DCC: variants seen among roughly 807,000 people sequenced by gnomAD.
The protein encoded by DCC is DCC netrin 1 receptor, also known as netrin receptor DCC.
In DCC, 58 loss-of-function variants were observed where a neutral mutation model predicts 172.5. That is an observed-to-expected ratio of 0.34 (90% CI 0.27 to 0.42). DCC has a LOEUF of 0.42. Ranked by LOEUF, DCC falls within the 10% of genes least tolerant of loss-of-function variation. The pLI, the probability that DCC is intolerant of heterozygous loss-of-function variation, is 1.00. For synonymous variants in DCC, 709 were observed against 644.5 expected (o/e 1.10, Z -1.52); for missense variants, 1,740 against 1,791.0 (o/e 0.97, Z 0.51).
chr18:52,345,711 G>A (rs1983848447), intron 1 of DCC, among the ~76,000 whole-genome samples: 1 of 152,198 alleles, frequency 6.6e-6, no homozygotes, highest in African/African-American at 2.4e-5. Context: ...TGTTTAATAT[G>A]CTGTGTTCCA....
At chr18:53,107,263 A>C (rs2043262352) in intron 7 of DCC, among the ~76,000 whole-genome samples, 1 of 151,828 alleles carries the variant, frequency 6.6e-6, no homozygotes, top group African/African-American at 2.4e-5. Context: ...GAACAGAAGG[A>C]AACAGTGAGA....
intron 27 of DCC, among the ~76,000 whole-genome samples, chr18:53,516,078 G>C (rs1248437600): frequency 0.048 from 6,560 of 135,642 alleles, 648 homozygotes; most frequent in African/African-American, 0.2. Context: ...ACCAAAACAG[G>C]ATGGTACTGG....
intron 8 of DCC, among the ~76,000 whole-genome samples, chr18:53,174,740 C>T (rs2055064327): frequency 6.8e-6 from 1 of 147,078 alleles, no homozygotes. Context: ...CGAATTCTAC[C>T]AGAGGTACAA....
At chr18:53,206,157 AC>A (rs2055625566) in intron 10 of DCC, among the ~76,000 whole-genome samples, 3 of 143,236 alleles carry the variant, frequency 2.1e-5, no homozygotes, top group African/African-American at 5.1e-5. Flanking sequence ...ATTATATAAT[AC>A]ATATATACAT....
intron 8 of DCC, among the ~76,000 whole-genome samples, chr18:53,160,927 A>C (rs1265104270): frequency 6.6e-6 from 1 of 152,208 alleles, no homozygotes; most frequent in African/African-American, 2.4e-5. Context: ...CTTTAAAGCG[A>C]AACTTTCACT....
intron 20 of DCC, among the ~76,000 whole-genome samples, chr18:53,412,045 G>T (rs1910017562): frequency 6.6e-6 from 1 of 152,154 alleles, no homozygotes; most frequent in South Asian, 2.1e-4. Context: ...ACAGCAGAGT[G>T]ATGAGTTATC....
chr18:53,471,066 C>T (rs1387334659), intron 25 of DCC, among the ~76,000 whole-genome samples: 1 of 152,124 alleles, frequency 6.6e-6, no homozygotes, highest in Admixed American at 6.6e-5. Context: ...CTGTTTTGCC[C>T]TTATCCAAGC....
chr18:52,874,855 T>G (rs2039377758), intron 2 of DCC, among the ~76,000 whole-genome samples: 3 of 149,236 alleles, frequency 2.0e-5, no homozygotes, highest in Admixed American at 6.7e-5. Flanking sequence ...AAGACAGGAG[T>G]GAAGGGGAGG....
intron 1 of DCC, among the ~76,000 whole-genome samples, chr18:52,427,369 T>G (rs1228741352): frequency 3.3e-5 from 5 of 151,712 alleles, no homozygotes; most frequent in Admixed American, 3.3e-4. Context: ...TTGAGAATTT[T>G]TTTTAAAATC....
chr18:53,469,664 T>G (rs1177850589), intron 25 of DCC, among the ~76,000 whole-genome samples: 1 of 152,188 alleles, frequency 6.6e-6, no homozygotes, highest in Admixed American at 6.5e-5. Context: ...TCAGTTTTTT[T>G]TCCTTATTTA....
intron 1 of DCC, among the ~76,000 whole-genome samples, chr18:52,725,278 T>C (rs372605947): frequency 5.0e-4 from 76 of 152,294 alleles, no homozygotes; most frequent in African/African-American, 1.6e-3. Context: ...CAGTGATCAG[T>C]ACACATTCCA....
chr18:52,710,207 T>C (rs951710386), intron 1 of DCC, among the ~76,000 whole-genome samples: 4 of 152,236 alleles, frequency 2.6e-5, no homozygotes, highest in African/African-American at 9.6e-5. Context: ...CATATGGAAA[T>C]GGCTGATTAA....
At chr18:53,514,995 A>G (rs2081743956) in intron 27 of DCC, among the ~76,000 whole-genome samples, 3 of 151,740 alleles carry the variant, frequency 2.0e-5, no homozygotes, top group South Asian at 4.2e-4. Context: ...AGACACAACA[A>G]AAAAAGAGAA....
intron 7 of DCC, 95 bp from the exon 8 acceptor site, chr18:53,157,261 A>G: frequency 2.1e-6 from 3 of 1,445,260 alleles, no homozygotes; most frequent in Non-Finnish European, 1.9e-6. Context: ...TGACTATGAC[A>G]TGGAGATGCT....
intron 5 of DCC, among the ~76,000 whole-genome samples, chr18:52,946,097 A>G (rs2040540332): frequency 6.6e-6 from 1 of 152,100 alleles, no homozygotes; most frequent in Middle Eastern, 3.4e-3. Flanking sequence ...CAATATAGTC[A>G]TCACCTCTTC....
intron 19 of DCC, among the ~76,000 whole-genome samples, chr18:53,404,402 G>C (rs188930994): frequency 3.5e-5 from 3 of 85,070 alleles, no homozygotes; most frequent in African/African-American, 9.7e-5. Flanking sequence ...GCTTCTTCAG[G>C]AAAAAAAAAA....
At chr18:53,327,396 G>A (rs972835821) in intron 14 of DCC, among the ~76,000 whole-genome samples, 1 of 152,084 alleles carries the variant, frequency 6.6e-6, no homozygotes, top group South Asian at 2.1e-4. Flanking sequence ...TTGTGATAGA[G>A]TGATAGAGTT....
intron 2 of DCC, among the ~76,000 whole-genome samples, chr18:52,761,602 A>G (rs2037160654): frequency 6.6e-6 from 1 of 152,166 alleles, no homozygotes; most frequent in Non-Finnish European, 1.5e-5. Flanking sequence ...CAAATTTCCA[A>G]ATTTATCTTT....
At chr18:52,802,443 C>T (rs1443568885) in intron 2 of DCC, among the ~76,000 whole-genome samples, 1 of 148,394 alleles carries the variant, frequency 6.7e-6, no homozygotes. Context: ...AACCCCCACA[C>T]AATCAAAAAC....
Sources: gnomAD v4.1 joint callset for allele counts (sites outside exome capture counted in the v4.1 genomes callset) on GRCh38, gnomAD v4.1.1 for gene constraint, MANE v1.5 for transcripts, NCBI Gene and HGNC (gene_info 2026-07-23, HGNC 2026-07-21) for gene names.